Variants in NBEA observed in about 807,000 individuals in gnomAD.
The protein encoded by NBEA is lysosomal-trafficking regulator 2.
In NBEA, 44 loss-of-function variants were observed where a neutral mutation model predicts 343.4. The observed-to-expected ratio is 0.13, with a 90% CI of 0.10 to 0.16. The LOEUF is 0.16. NBEA is among the 10% of genes least tolerant of loss of function. NBEA has a pLI of 1.00. For missense variants in NBEA, 2,555 were observed against 3,631.3 expected, an observed-to-expected ratio of 0.70 and a Z score of 7.62; for synonymous variants, 1,175 against 1,238.7, an observed-to-expected ratio of 0.95 and a Z score of 1.08.
At chr13:35,036,543 C>A (rs1593539355) in intron 1 of NBEA, among the ~76,000 whole-genome samples, 1 of 151,992 alleles carries the variant, frequency 6.6e-6, no homozygotes, top group South Asian at 2.1e-4. Context: ...CCTTTTCTTT[C>A]TGATTGAAGT....
chr13:35,427,545 TG>T (rs1057259610), intron 38 of NBEA, among the ~76,000 whole-genome samples: 7 of 152,168 alleles, frequency 4.6e-5, no homozygotes, highest in Admixed American at 3.3e-4. Context: ...CCGCCCCTAC[TG>T]GGGGGTGCCT....
intron 40 of NBEA, among the ~76,000 whole-genome samples, chr13:35,454,555 G>A (rs979776201): frequency 6.6e-6 from 1 of 152,074 alleles, no homozygotes; most frequent in African/African-American, 2.4e-5. Context: ...CCTTACAGGA[G>A]ACTTAAATTC....
intron 38 of NBEA, among the ~76,000 whole-genome samples, chr13:35,359,832 A>ATGTGTGTGTGTGTGTGTG (rs60793996): frequency 6.9e-6 from 1 of 144,562 alleles, no homozygotes; most frequent in Non-Finnish European, 1.5e-5. Flanking sequence ...GTGTGTGTGT[A>ATGTGTGTGTGTGTGTGTG]TGTGTGTGTG....
chr13:35,051,842 G>A (rs1311061244), intron 6 of NBEA, among the ~76,000 whole-genome samples: 5 of 151,940 alleles, frequency 3.3e-5, no homozygotes, highest in Non-Finnish European at 7.4e-5. Context: ...AAATATTCTA[G>A]GTAACTTTTC....
At chr13:35,367,530 A>G (rs2152880040) in intron 38 of NBEA, among the ~76,000 whole-genome samples, 1 of 148,718 alleles carries the variant, frequency 6.7e-6, no homozygotes, top group South Asian at 2.1e-4. Flanking sequence ...CTCCTTGTGC[A>G]TACTGTTAGA....
chr13:35,646,161 T>C, intron 50 of NBEA, 98 bp from the exon 51 acceptor site: 1 of 967,226 alleles, frequency 1.0e-6, no homozygotes, highest in Non-Finnish European at 1.6e-6. Flanking sequence ...GGACTTTTTT[T>C]CATGGCTGAC....
At chr13:35,422,360 C>T (rs1194971331) in intron 38 of NBEA, among the ~76,000 whole-genome samples, 1 of 142,530 alleles carries the variant, frequency 7.0e-6, no homozygotes, top group Non-Finnish European at 1.5e-5. Context: ...CATGTGTTCT[C>T]ATTGTTCAGT....
rs1369392413 is a variant in NBEA, at chr13:34,989,544, A to G, written c.294+46430A>G. 1.3e-5 allele frequency among the ~76,000 whole-genome samples: 2 copies of G among 150,788 alleles called. 1 individual carries two copies. Among genetic ancestry groups the G allele is most frequent in the Non-Finnish European group, 3.0e-5 (2 of 67,350 alleles). ...GAACTCACTGTCATGAGAACCGCAA[A>G]GGGGAAGTCTGCCTCCGTGGTCCAG... is the stretch of plus-strand genomic sequence containing the variant. On this transcript the variant is annotated intron_variant, in intron 1 of 58. Transcript: ENST00000379939.
chr13:35,506,131 T>C (rs2077064190), intron 41 of NBEA, among the ~76,000 whole-genome samples: 1 of 152,188 alleles, frequency 6.6e-6, no homozygotes, highest in Non-Finnish European at 1.5e-5. Context: ...GGCACGATCT[T>C]AGCTTACTGC....
At chr13:35,567,952 G>C (rs757741975) in intron 45 of NBEA, among the ~76,000 whole-genome samples, 27 of 152,134 alleles carry the variant, frequency 1.8e-4, no homozygotes, top group Non-Finnish European at 4.0e-4. Flanking sequence ...ACGTACCTAA[G>C]TTGAAGTTCT....
At position 35,159,083 on chromosome 13, in the gene NBEA, A is replaced by G; in HGVS notation, c.2912A>G (p.Glu971Gly). The G allele has an allele frequency of 6.2e-7, 1 of 1,613,456 alleles. No homozygotes were observed. The highest frequency in any genetic ancestry group is 8.5e-7 in the Non-Finnish European group (1 of 1,179,600). ...GAGGAATATCAAAGACAAGAGGAGG[A>G]AAACATTAAAAAGGGAAAGAAAGGG... ...MYEEYQRQEE[E>G]NIKKGKKGNV... Residue 971 changes from glutamate to glycine, a missense_variant, in exon 22 of 59, where the codon GAA becomes GGA. Glu to Gly is a moderately conservative substitution (Grantham distance 98). This residue lies in a region of NBEA where 18 missense variants were observed against 21.7 expected (regional missense o/e 0.83). Transcript: ENST00000379939.
chr13:35,544,353 A>G (rs1037706967), intron 41 of NBEA, among the ~76,000 whole-genome samples: 16 of 150,974 alleles, frequency 1.1e-4, no homozygotes, highest in African/African-American at 3.9e-4. Flanking sequence ...GAGATCAGCA[A>G]AGCTATCACT....
At chr13:35,109,770 T>C (rs2066095133) in intron 12 of NBEA, among the ~76,000 whole-genome samples, 1 of 152,082 alleles carries the variant, frequency 6.6e-6, no homozygotes, top group African/African-American at 2.4e-5. Flanking sequence ...ACTGTAATCA[T>C]TTTGCTGGAA....
intron 49 of NBEA, among the ~76,000 whole-genome samples, chr13:35,640,217 A>G (rs2083879893): frequency 1.3e-5 from 2 of 152,352 alleles, no homozygotes; most frequent in South Asian, 2.1e-4. Flanking sequence ...TGAGGATTCA[A>G]TTCCAGGTAT....
chr13:35,015,817 G>C (rs900164929), intron 1 of NBEA, among the ~76,000 whole-genome samples: 11 of 151,914 alleles, frequency 7.2e-5, no homozygotes, highest in Non-Finnish European at 1.3e-4. Flanking sequence ...TGCTCTATTT[G>C]AGAACTTACA....
intron 1 of NBEA, among the ~76,000 whole-genome samples, chr13:34,973,514 C>T (rs1359627253): frequency 1.3e-5 from 2 of 151,868 alleles, no homozygotes; most frequent in East Asian, 1.9e-4. Flanking sequence ...TGGAGGTCCC[C>T]CTTGCGAGGT....
intron 36 of NBEA, among the ~76,000 whole-genome samples, chr13:35,320,079 T>C (rs984366426): frequency 3.3e-5 from 5 of 152,194 alleles, no homozygotes; most frequent in Admixed American, 1.3e-4. Context: ...AATTGGGGCA[T>C]TTAGCCCATT....
intron 1 of NBEA, among the ~76,000 whole-genome samples, chr13:34,966,650 C>G (rs1303674650): frequency 1.4e-5 from 2 of 147,390 alleles, no homozygotes; most frequent in Admixed American, 6.8e-5. Flanking sequence ...CTCTCTCTCT[C>G]TGTGTATGTG....
chr13:35,374,973 T>G (rs1012097114), intron 38 of NBEA, among the ~76,000 whole-genome samples: 8 of 152,202 alleles, frequency 5.3e-5, no homozygotes, highest in African/African-American at 1.9e-4. Flanking sequence ...AGAGCATTGT[T>G]CATTTGTAAA....
Sources: gnomAD v4.1 joint callset for allele counts (sites outside exome capture counted in the v4.1 genomes callset) on GRCh38, gnomAD v4.1.1 for gene constraint, gnomAD v4.1.1 regional missense constraint, MANE v1.5 for transcripts, NCBI Gene and HGNC (gene_info 2026-07-23, HGNC 2026-07-21) for gene names.